The following NOXA1 variants were observed in gnomAD, a reference collection of about 807,000 sequenced individuals.
NOXA1 encodes NADPH oxidase activator 1, also known as NCF2-like protein.
Under a neutral mutation model 64.8 loss-of-function variants are expected in NOXA1, and 56 were observed. The observed-to-expected ratio is 0.86, with a 90% CI of 0.70 to 1.08. The LOEUF is 1.08. Ranked by LOEUF, NOXA1 falls within the 50% of genes least tolerant of loss-of-function variation. The probability of loss-of-function intolerance (pLI) is 0.00; values close to 1 mark genes in which losing one functional copy is unlikely to be tolerated. For missense variants in NOXA1, 668 were observed against 658.5 expected, an observed-to-expected ratio of 1.01 and a Z score of -0.16; for synonymous variants, 295 against 294.8, an observed-to-expected ratio of 1.00 and a Z score of -0.01.
intron 1 of NOXA1, among the ~76,000 whole-genome samples, chr9:137,425,864 C>G (rs1051964367): frequency 6.7e-6 from 1 of 150,056 alleles, no homozygotes; most frequent in African/African-American, 2.5e-5. Context: ...AGAGCGAGAC[C>G]CCGTCTCAAA....
At chr9:137,429,240 C>T in intron 4 of NOXA1, 36 bp from the exon 5 acceptor site, 1 of 1,463,804 alleles carries the variant, frequency 6.8e-7, no homozygotes, top group Admixed American at 2.2e-5. Flanking sequence ...TGGTTGGTCA[C>T]CCCGTCTGCA....
rs775788522 is a variant in NOXA1 at position 137,423,533 on chromosome 9, G to A, written c.4G>A (p.Ala2Thr). Reference sequence around the variant, plus strand: ...TCGAGCGCCGCCACCGGCCGCCATGGCCTCTCTGGGGGACCTGGTGCGCGC... The same window carrying A: ...TCGAGCGCCGCCACCGGCCGCCATGACCTCTCTGGGGGACCTGGTGCGCGC... Reference protein sequence around the residue: MASLGDLVRAWH... With the variant: MTSLGDLVRAWH... The change falls in exon 1 of 14, where the codon GCC (alanine) becomes ACC (threonine). Residue 2 changes from alanine to threonine, a missense_variant. By Grantham distance (58) the Ala-to-Thr change is moderately conservative. Coordinates refer to ENST00000683555, the MANE Select transcript of NOXA1 (RefSeq NM_001256067.2). The A allele has an allele frequency of 7.1e-6, 10 of 1,401,666 alleles. No homozygotes were observed. Among genetic ancestry groups the A allele is most frequent in the Middle Eastern group, 2.1e-4 (1 of 4,666 alleles). 86.8% of individuals were successfully genotyped at this position (1,401,666 alleles called of 1,614,324 possible). A position where few individuals can be genotyped will look rare whatever the true frequency, so the allele number is the denominator to read the frequency against.
chr9:137,423,698 G>A lies in NOXA1; in HGVS notation c.169G>A (p.Ala57Thr). The A allele has an allele frequency of 1.5e-6, 2 of 1,318,666 alleles. No homozygotes were observed. The highest frequency in any genetic ancestry group is 2.0e-5 in the South Asian group (1 of 50,460). The allele number at this position is 1,318,666 out of a possible 1,614,324, so 81.7% of individuals were successfully genotyped here. The change falls in exon 1 of 14, where the codon GCG becomes ACG. Residue 57 changes from alanine to threonine, a missense_variant. Physicochemically the swap from Ala to Thr is moderately conservative, Grantham distance 58. Transcript: ENST00000683555. ...CCTGCTGGCCGGGGACCCCGAGGCC[G>A]CGCTGCGGGTGAGCGGGGCGTGGGG... ...VHLLAGDPEA[A>T]LRAFDQAVTK...
In NOXA1 at chr9:137,433,858, G is replaced by T; in HGVS notation, c.1173G>T (p.Gln391His). The T allele has an allele frequency of 6.8e-7, 1 of 1,461,832 alleles. No individual in the cohort carries two copies. The highest frequency in any genetic ancestry group is 9.0e-7 in the Non-Finnish European group (1 of 1,105,312). 90.6% of individuals were successfully genotyped at this position (1,461,832 alleles called of 1,614,324 possible). A position where few individuals can be genotyped will look rare whatever the true frequency, so the allele number is the denominator to read the frequency against. Reference protein sequence around the residue: ...AAACPRGLQLQCRGAGGRPVL... With the variant: ...AAACPRGLQLHCRGAGGRPVL... ...CCTGCCCCAGGGGGCTGCAGCTGCA[G>T]TGCAGGGTGAGCCAAGGGCGAGGCA... The change falls in exon 12 of 14, where the codon CAG becomes CAT. Residue 391 changes from glutamine to histidine, a missense_variant. Coordinates refer to ENST00000683555, the MANE Select transcript of NOXA1 (RefSeq NM_001256067.2).
In NOXA1 at chr9:137,434,224, T is replaced by C. The variant is rs1190167946; in HGVS notation, c.1295T>C (p.Val432Ala). Residue 432 changes from valine (V) to alanine (A), a missense_variant and splice_region_variant, in exon 14 of 14, where the codon GTG (valine) becomes GCG (alanine). Coordinates refer to ENST00000683555, the MANE Select transcript of NOXA1 (RefSeq NM_001256067.2). ...QGDTVDVLCEVDQAWLEGHCD... is the reference protein window; with the variant it reads ...QGDTVDVLCEADQAWLEGHCD... ...GCAGAGCCCGATGTCCCCCTTGCAGTGGACCAGGCATGGCTGGAGGGCCAC... is the reference window on the plus strand; with the variant it reads ...GCAGAGCCCGATGTCCCCCTTGCAGCGGACCAGGCATGGCTGGAGGGCCAC... The C allele has an allele frequency of 6.2e-7, 1 of 1,608,584 alleles. No individual in the cohort carries two copies.
At chr9:137,432,318 G>A (rs190968359) in intron 8 of NOXA1, among the ~76,000 whole-genome samples, 123 of 145,276 alleles carry the variant, frequency 8.5e-4, no homozygotes, top group Non-Finnish European at 1.4e-3. Context: ...AGTGGCTCAC[G>A]CCTGTAATCC....
chr9:137,423,588 G>A lies in NOXA1; in HGVS notation c.59G>A (p.Arg20His), dbSNP rs1284256145. The A allele has an allele frequency of 2.0e-6, 3 of 1,481,144 alleles. No homozygotes were observed. Among genetic ancestry groups the A allele is most frequent in the Non-Finnish European group, 2.7e-6 (3 of 1,116,622 alleles). 91.8% of individuals were successfully genotyped at this position (1,481,144 alleles called of 1,614,324 possible). A position where few individuals can be genotyped will look rare whatever the true frequency, so the allele number is the denominator to read the frequency against. The change falls in exon 1 of 14, where the codon CGT (arginine) becomes CAT (histidine). Residue 20 changes from arginine to histidine, a missense_variant. Transcript: ENST00000683555. ...CACCTGGGCGCGCAGGCTGTGGATC[G>A]TGGGGACTGGGCCCGCGCCTTGCAC... ...AWHLGAQAVD[R>H]GDWARALHLF... is the part of the protein sequence containing the mutation.
rs1452341165 is a variant in NOXA1, at chr9:137,431,169, C to T, written c.699-67C>T. The T allele has an allele frequency of 1.9e-6, 3 of 1,609,700 alleles. No individual in the cohort carries two copies. Among genetic ancestry groups the T allele is most frequent in the East Asian group, 2.2e-5 (1 of 44,766 alleles). On this transcript the variant is annotated intron_variant, in intron 7 of 13. Transcript: ENST00000683555. This position sits in a 1 kb window ranked among gnomAD's most constrained non-coding sequence, Gnocchi z 5.6. Reference sequence around the variant, plus strand: ...CTGGGCAGAGGCCCTCCACATGGGGCCACGCGGGCCGGGCACAGGAGGGCA... The same window carrying T: ...CTGGGCAGAGGCCCTCCACATGGGGTCACGCGGGCCGGGCACAGGAGGGCA...
At chr9:137,432,913 C>T (rs1452324078) in intron 8 of NOXA1, 116 bp from the exon 9 acceptor site, 22 of 1,154,120 alleles carry the variant, frequency 1.9e-5, no homozygotes, top group Non-Finnish European at 2.5e-5. Context: ...CCACAGACCA[C>T]CTGCTGGGTG....
chr9:137,433,489 GTC>G lies in NOXA1; in HGVS notation c.947_948del (p.Val316AspfsTer45). ...AGGGGGCTCCGAGCCCCTGGTGACT[GTC>G]ACCGTGCAGTGCGCCTTCACAGTGG... ...GAGGSEPLVTVTVQCAFTVAL... is the reference protein window; with the variant it reads ...GAGGSEPLVTXTVQCAFTVAL... On this transcript the variant is annotated frameshift_variant, in exon 11 of 14. Transcript: ENST00000683555. LOFTEE classifies it high-confidence loss of function. 1 of 1,604,266 alleles carries G rather than the reference GTC, an allele frequency of 6.2e-7. No individual in the cohort carries two copies. The highest frequency in any genetic ancestry group is 1.7e-5 in the Admixed American group (1 of 59,756).
Position 137,433,048 on chromosome 9 carries a change from T to A in NOXA1, c.824T>A (p.Val275Asp). ...TTGCAGAGGCCCCAGGTGGAGCAAG[T>A]TGGCAAACAGGCTCCTCTCTCCCCA... is the stretch of plus-strand genomic sequence containing the variant. Reference protein sequence around the residue: ...YQEQRPQVEQVGKQAPLSPGL... With the variant: ...YQEQRPQVEQDGKQAPLSPGL... The change falls in exon 9 of 14, where the codon GTT becomes GAT. Residue 275 changes from valine (V) to aspartate (D), a missense_variant. Val to Asp is a radical substitution (Grantham distance 152, BLOSUM62 -3). Coordinates refer to ENST00000683555, the MANE Select transcript of NOXA1 (RefSeq NM_001256067.2). 1 of 1,612,702 alleles carries A rather than the reference T, an allele frequency of 6.2e-7. No individual in the cohort carries two copies. Among genetic ancestry groups the A allele is most frequent in the South Asian group, 1.1e-5 (1 of 91,062 alleles).
Position 137,433,266 on chromosome 9 carries a change from A to G in NOXA1, c.909+3A>G. On this transcript the variant is annotated splice_donor_region_variant and intron_variant, in intron 10 of 13. Transcript: ENST00000683555. ...GTGAGGACCCCGCGGGTGCTGGGGT[A>G]AGAGGCTCTAGACCCTTCACCTGTC... 6.3e-7 allele frequency: 1 copy of G among 1,582,076 alleles called. No individual in the cohort carries two copies. Among genetic ancestry groups the G allele is most frequent in the Non-Finnish European group, 8.6e-7 (1 of 1,166,072 alleles).
At chr9:137,425,931 G>A (rs1838831433) in intron 1 of NOXA1, among the ~76,000 whole-genome samples, 2 of 152,080 alleles carry the variant, frequency 1.3e-5, no homozygotes, top group Admixed American at 6.6e-5. Flanking sequence ...CTCCCCAGAG[G>A]TAACTATTAT....
chr9:137,426,722 CA>C (rs1398507916), intron 2 of NOXA1, among the ~76,000 whole-genome samples: 1 of 152,178 alleles, frequency 6.6e-6, no homozygotes, highest in Non-Finnish European at 1.5e-5. Context: ...CCTGAAATAT[CA>C]AAACCCCTCA....
chr9:137,428,810 C>T, intron 3 of NOXA1, 72 bp from the exon 4 acceptor site: 1 of 1,411,130 alleles, frequency 7.1e-7, no homozygotes. Flanking sequence ...GAGGGAGGAG[C>T]TGGGTGGGGG....
rs1430180885 is a variant in NOXA1 at position 137,428,892 on chromosome 9, A to G, written c.380A>G (p.Asn127Ser). ...FKLQAWEVLHNVASAQCQLGL... is the reference protein window; with the variant it reads ...FKLQAWEVLHSVASAQCQLGL... ...TGGCCCCACTCCCAGGTGCTACACAATGTGGCGTCGGCACAGTGCCAGCTG... is the reference window on the plus strand; with the variant it reads ...TGGCCCCACTCCCAGGTGCTACACAGTGTGGCGTCGGCACAGTGCCAGCTG... The change falls in exon 4 of 14, where the codon AAT becomes AGT. Residue 127 changes from asparagine (N) to serine (S), a missense_variant. By Grantham distance (46) the Asn-to-Ser change is conservative. Coordinates refer to ENST00000683555, the MANE Select transcript of NOXA1 (RefSeq NM_001256067.2). 5 of 1,584,824 alleles carry G rather than the reference A, an allele frequency of 3.2e-6. No individual in the cohort carries two copies. The highest frequency in any genetic ancestry group is 1.1e-5 in the South Asian group (1 of 87,014).
intron 1 of NOXA1, among the ~76,000 whole-genome samples, chr9:137,425,045 C>T (rs11537106): frequency 0.3 from 45,114 of 152,136 alleles, 7,039 homozygotes; most frequent in East Asian, 0.61. Context: ...CCTTGCGTGA[C>T]GTTTGGGGCA....
At chr9:137,424,876 A>G (rs955188888) in intron 1 of NOXA1, among the ~76,000 whole-genome samples, 2 of 152,214 alleles carry the variant, frequency 1.3e-5, no homozygotes, top group African/African-American at 2.4e-5. Flanking sequence ...CAGAGAGGGG[A>G]CGCAGTGAAA....
rs1430788972 is a variant in NOXA1, at chr9:137,431,836, C to T, written c.804+495C>T. ...GGAACCCCAGCTGCTCCCAGGGTGG[C>T]AGCCGTGGGCGGAGGCTCTGCTGCA... On this transcript the variant is annotated intron_variant, in intron 8 of 13. Coordinates refer to ENST00000683555, the MANE Select transcript of NOXA1 (RefSeq NM_001256067.2). The surrounding 1 kb of genome is among the most constrained non-coding windows in gnomAD (Gnocchi z 5.6). 6.6e-6 allele frequency among the ~76,000 whole-genome samples: 1 copy of T among 152,192 alleles called. No individual in the cohort carries two copies. Among genetic ancestry groups the T allele is most frequent in the Non-Finnish European group, 1.5e-5 (1 of 68,026 alleles).
Sources: allele counts gnomAD v4.1 joint callset (sites outside exome capture counted in the v4.1 genomes callset), GRCh38; gene constraint gnomAD v4.1.1; non-coding constraint Gnocchi (gnomAD v3.1); transcripts MANE v1.5; gene names NCBI Gene and HGNC (gene_info 2026-07-23, HGNC 2026-07-21).